Variants in MKKS observed in about 807,000 individuals in gnomAD.
MKKS encodes the protein molecular chaperone MKKS.
A neutral mutation model predicts 33.2 loss-of-function variants in MKKS; 29 were observed. That is an observed-to-expected ratio of 0.87 (90% CI 0.65 to 1.19). The LOEUF is 1.19. Ranked by LOEUF, MKKS falls within the 50% of genes most tolerant of loss-of-function variation. The pLI is 0.00. For synonymous variants in MKKS, 260 were observed against 244.0 expected (o/e 1.07, Z -0.61); for missense variants, 661 against 662.3 (o/e 1.00, Z 0.02).
chr20:10,431,227 T>C (rs371840320), intron 1 of MKKS, among the ~76,000 whole-genome samples: 4 of 152,270 alleles, frequency 2.6e-5, no homozygotes, highest in African/African-American at 7.2e-5. Flanking sequence ...ATCGAATATT[T>C]TGACTAAAAT....
chr20:10,427,029 G>GACACACAGACAC (rs2065019174), intron 1 of MKKS, among the ~76,000 whole-genome samples: 1 of 130,724 alleles, frequency 7.6e-6, no homozygotes, highest in Admixed American at 7.8e-5. Context: ...AGAAAACACT[G>GACACACAGACAC]ACACACACAC....
intron 1 of MKKS, among the ~76,000 whole-genome samples, chr20:10,427,029 GACACACACACACACACACACAC>G (rs377703248): frequency 1.9e-4 from 25 of 130,786 alleles, no homozygotes; most frequent in East Asian, 5.2e-4. Context: ...AGAAAACACT[GACACACACACACACACACACAC>G]ACACACACAC....
chr20:10,415,195 G>A (rs1355892361), intron 2 of MKKS, among the ~76,000 whole-genome samples: 1 of 152,136 alleles, frequency 6.6e-6, no homozygotes, highest in African/African-American at 2.4e-5. Context: ...ATCTGTTGAG[G>A]CCGGGTGTTT....
At chr20:10,409,628 A>T (rs986714271) in intron 3 of MKKS, among the ~76,000 whole-genome samples, 1 of 152,022 alleles carries the variant, frequency 6.6e-6, no homozygotes, top group Non-Finnish European at 1.5e-5. Context: ...TTTCTTTCAG[A>T]CTCACCTTTA....
rs962616660 is a variant in MKKS at position 10,403,414 on chromosome 20, CA to C, written c.*1832del. ...ACGTCCCCCCTACTCCTCAGATCCT[CA>C]AAAGTTTCACTTTTGCATTACAACA... On this transcript the variant is annotated 3_prime_UTR_variant, in exon 6 of 6. Transcript: ENST00000347364. 2.6e-5 allele frequency: 4 copies of C among 151,444 alleles called. No homozygotes were observed. Among genetic ancestry groups the C allele is most frequent in the African/African-American group, 9.7e-5 (4 of 41,202 alleles). 9.4% of individuals were successfully genotyped at this position (151,444 alleles called of 1,614,324 possible).
intron 1 of MKKS, among the ~76,000 whole-genome samples, chr20:10,428,197 T>C (rs528895151): frequency 1.3e-5 from 2 of 152,366 alleles, no homozygotes; most frequent in Admixed American, 6.5e-5. Context: ...TAGTGGTTTA[T>C]AGAGTTGTCT....
At chr20:10,432,897 C>T (rs892957959) in intron 1 of MKKS, among the ~76,000 whole-genome samples, 4 of 150,888 alleles carry the variant, frequency 2.7e-5, no homozygotes, top group South Asian at 2.1e-4. Flanking sequence ...CCTAATACAA[C>T]GTTAAATGCT....
rs2064838507 is a variant in MKKS, at chr20:10,405,668, C to G, written c.1292G>C (p.Ser431Thr). 2 of 1,613,794 alleles carry G rather than the reference C, an allele frequency of 1.2e-6. No homozygotes were observed. The highest frequency in any genetic ancestry group is 1.3e-5 in the African/African-American group (1 of 74,900). ...AGTACATTCATCATCTTTGAGAATG[C>G]TTTCTGGGTCGTTGTGAGTCTAAAG... is the stretch of plus-strand genomic sequence containing the variant. ...IRHKTHNDPE[S>T]ILKDDECTQT... Residue 431 changes from serine to threonine, a missense_variant, in exon 6 of 6, where the codon AGC becomes ACC. Transcript: ENST00000347364.
chr20:10,409,768 C>T (rs576168031), intron 3 of MKKS, among the ~76,000 whole-genome samples: 4 of 151,654 alleles, frequency 2.6e-5, no homozygotes, highest in Admixed American at 1.3e-4. Context: ...GTCAGGAGTT[C>T]GAGACCAGCC....
chr20:10,408,905 G>C, intron 3 of MKKS, 102 bp from the exon 4 acceptor site: 2 of 842,792 alleles, frequency 2.4e-6, no homozygotes, highest in Non-Finnish European at 3.7e-6. Flanking sequence ...AGCCCCACAA[G>C]CATATAATTT....
At chr20:10,420,240 T>C (rs1394499481) in intron 2 of MKKS, among the ~76,000 whole-genome samples, 1 of 152,214 alleles carries the variant, frequency 6.6e-6, no homozygotes, top group Non-Finnish European at 1.5e-5. Flanking sequence ...TGATATGTAA[T>C]GGTAAGGAGT....
At chr20:10,411,766 T>C (rs1303295844) in intron 3 of MKKS, among the ~76,000 whole-genome samples, 1 of 152,200 alleles carries the variant, frequency 6.6e-6, no homozygotes, top group East Asian at 1.9e-4. Context: ...TTCTGATAGA[T>C]TGTCAAAGCA....
At chr20:10,407,483 C>A in intron 5 of MKKS, 133 bp downstream of exon 5, 1 of 744,754 alleles carries the variant, frequency 1.3e-6, no homozygotes, top group Non-Finnish European at 2.3e-6. Flanking sequence ...TATAACAAAC[C>A]TATACATGCA....
At chr20:10,418,078 TAAAG>T (rs996749221) in intron 2 of MKKS, among the ~76,000 whole-genome samples, 15 of 152,208 alleles carry the variant, frequency 9.9e-5, no homozygotes, top group Non-Finnish European at 1.6e-4. Context: ...AAATTGTAGG[TAAAG>T]AGTCACTGTT....
chr20:10,406,360 T>G (rs1314195869), intron 5 of MKKS, among the ~76,000 whole-genome samples: 2 of 152,180 alleles, frequency 1.3e-5, no homozygotes, highest in African/African-American at 4.8e-5. Flanking sequence ...ACAACAGTGG[T>G]CCCATAAGAT....
intron 2 of MKKS, among the ~76,000 whole-genome samples, chr20:10,415,421 C>T (rs1260929272): frequency 2.0e-5 from 3 of 152,158 alleles, no homozygotes; most frequent in Admixed American, 2.0e-4. Context: ...ATTTTGGTTA[C>T]CATTCCCAAT....
In MKKS at chr20:10,405,648, A is replaced by G; in HGVS notation, c.1312T>C (p.Cys438Arg). 3 of 1,614,184 alleles carry G rather than the reference A, an allele frequency of 1.9e-6. No homozygotes were observed. Among genetic ancestry groups the G allele is most frequent in the Non-Finnish European group, 2.5e-6 (3 of 1,180,008 alleles). The change falls in exon 6 of 6, where the codon TGT becomes CGT. Residue 438 changes from cysteine (C) to arginine (R), a missense_variant. By Grantham distance (180) the Cys-to-Arg change is radical. Transcript: ENST00000347364. ...DPESILKDDE[C>R]TQTELQLIAE... ...ATTAATTGAAGTTCTGTTTGAGTAC[A>G]TTCATCATCTTTGAGAATGCTTTCT... is the stretch of plus-strand genomic sequence containing the variant.
At position 10,422,255 on chromosome 20, in the gene MKKS, C is replaced by T. The variant is rs527835759; in HGVS notation, c.-648-1497G>A. Among the ~76,000 whole-genome samples the T allele has an allele frequency of 5.3e-5, 8 of 152,172 alleles. No individual in the cohort carries two copies. In the South Asian group the frequency reaches 1.2e-3, roughly 24 times the overall value. On this transcript the variant is annotated intron_variant, in intron 1 of 5. Transcript: ENST00000347364. ...TTTTAATTACTAGATAGAGGAAACA[C>T]GACCTGCTTTGTAAATGAAAGTATT...
In MKKS at chr20:10,403,543, C is replaced by T. The variant is rs1191130916; in HGVS notation, c.*1704G>A. ...AGGAGGTAGTTCTTTAAGTACAGTT[C>T]CTGGAACACAGTTGCTTTCCATCTG... is the stretch of plus-strand genomic sequence containing the variant. On this transcript the variant is annotated 3_prime_UTR_variant, in exon 6 of 6. Transcript: ENST00000347364. The T allele has an allele frequency of 1.3e-5, 2 of 152,154 alleles. No homozygotes were observed. The highest frequency in any genetic ancestry group is 2.4e-5 in the African/African-American group (1 of 41,432). The allele number at this position is 152,154 out of a possible 1,614,324, so 9.4% of individuals were successfully genotyped here. A position where few individuals can be genotyped will look rare whatever the true frequency, so the allele number is the denominator to read the frequency against.
Sources: gnomAD v4.1 joint callset for allele counts (sites outside exome capture counted in the v4.1 genomes callset) on GRCh38, gnomAD v4.1.1 for gene constraint, MANE v1.5 for transcripts, NCBI Gene and HGNC (gene_info 2026-07-23, HGNC 2026-07-21) for gene names.